The following GPHN variants were observed in gnomAD, a reference collection of about 807,000 sequenced individuals.
GPHN encodes gephyrin.
Under a neutral mutation model 95.5 loss-of-function variants are expected in GPHN, and 17 were observed. The observed-to-expected ratio is 0.18, with a 90% CI of 0.12 to 0.27. The LOEUF is 0.27. GPHN is among the 10% of genes least tolerant of loss of function. The probability of loss-of-function intolerance (pLI) is 1.00; values close to 1 mark genes in which losing one functional copy is unlikely to be tolerated. For missense variants in GPHN, 660 were observed against 978.1 expected (o/e 0.67, Z 4.34); for synonymous variants, 320 against 322.5 (o/e 0.99, Z 0.08).
At chr14:67,195,255 C>T in the GPHN span, among the ~76,000 whole-genome samples, 3 of 152,166 alleles carry the variant, frequency 2.0e-5, no homozygotes, top group Non-Finnish European at 2.9e-5. Context: ...GGAAGAGGGG[C>T]GAGACCCAGT....
In GPHN at chr14:67,094,271, A is replaced by G. The variant is rs964310408; in HGVS notation, c.1237+5196A>G. Among the ~76,000 whole-genome samples, 4 of 152,280 alleles carry G rather than the reference A, an allele frequency of 2.6e-5. No individual in the cohort carries two copies. In the South Asian group the frequency reaches 8.3e-4, roughly 32 times the overall value. ...AATATAACCAGAAATCTTCAAATAAATGGGTGAACAGAACTAAAAGTGTTT... is the reference window on the plus strand; with the variant it reads ...AATATAACCAGAAATCTTCAAATAAGTGGGTGAACAGAACTAAAAGTGTTT... On this transcript the variant is annotated intron_variant, in intron 12 of 22. Coordinates refer to ENST00000478722, the MANE Select transcript of GPHN (RefSeq NM_020806.5).
At chr14:67,575,716 C>G in the GPHN span, 1 of 841,662 alleles carries the variant, frequency 1.2e-6, no homozygotes, top group Non-Finnish European at 1.9e-6. Context: ...ATCCTGTCAT[C>G]GGTCCATATC....
intron 1 of GPHN, among the ~76,000 whole-genome samples, chr14:66,579,658 A>C (rs999758100): frequency 6.6e-6 from 1 of 151,810 alleles, no homozygotes; most frequent in East Asian, 1.9e-4. Flanking sequence ...AGATACAGCA[A>C]TTGTAAACAG....
the GPHN span, among the ~76,000 whole-genome samples, chr14:67,559,244 A>G: frequency 6.6e-6 from 1 of 152,214 alleles, no homozygotes; most frequent in Non-Finnish European, 1.5e-5. Flanking sequence ...ATAGTTAAAA[A>G]TAAAAAAACG....
chr14:66,717,815 G>C (rs1225681247), intron 2 of GPHN, among the ~76,000 whole-genome samples: 1 of 152,180 alleles, frequency 6.6e-6, no homozygotes, highest in Non-Finnish European at 1.5e-5. Context: ...CCGGCTCCAG[G>C]CTTGTACTAG....
chr14:67,282,532 C>A, the GPHN span, among the ~76,000 whole-genome samples: 1 of 151,982 alleles, frequency 6.6e-6, no homozygotes, highest in African/African-American at 2.4e-5. Flanking sequence ...GTAAATTTGA[C>A]AATGTATGAT....
intron 21 of GPHN, among the ~76,000 whole-genome samples, chr14:67,171,704 G>GA (rs375504335): frequency 5.2e-4 from 79 of 151,858 alleles, no homozygotes; most frequent in Admixed American, 1.4e-3. Context: ...GCATTTTAAT[G>GA]AAAAAAAACT....
intron 1 of GPHN, among the ~76,000 whole-genome samples, chr14:66,618,785 A>G (rs2063160215): frequency 6.6e-6 from 1 of 152,096 alleles, no homozygotes; most frequent in African/African-American, 2.4e-5. Context: ...CATGCAATAA[A>G]CGGCACATTT....
At chr14:66,618,002 A>G (rs1195914223) in intron 1 of GPHN, among the ~76,000 whole-genome samples, 1 of 152,168 alleles carries the variant, frequency 6.6e-6, no homozygotes, top group Non-Finnish European at 1.5e-5. Flanking sequence ...GGGAGGGCTA[A>G]CATTTTTCTG....
chr14:67,723,398 T>C, the GPHN span, among the ~76,000 whole-genome samples: 1 of 152,176 alleles, frequency 6.6e-6, no homozygotes, highest in Admixed American at 6.5e-5. Context: ...TACACCCAGC[T>C]ACTTTTTAAA....
the GPHN span, among the ~76,000 whole-genome samples, chr14:67,468,184 C>T: frequency 2.0e-5 from 3 of 152,022 alleles, no homozygotes; most frequent in African/African-American, 7.2e-5. Context: ...ATGTTGGCCA[C>T]GCTGGTCTCT....
the GPHN span, among the ~76,000 whole-genome samples, chr14:67,368,185 A>G: frequency 9.8e-5 from 15 of 152,334 alleles, no homozygotes; most frequent in African/African-American, 3.4e-4. Context: ...GAGTTTCTGC[A>G]GGAAAAGCAA....
At chr14:67,486,735 C>T in the GPHN span, among the ~76,000 whole-genome samples, 1 of 152,198 alleles carries the variant, frequency 6.6e-6, no homozygotes. Context: ...ATTTTCCACT[C>T]TTACGTATGT....
chr14:66,682,619 A>G (rs2153397044), intron 2 of GPHN, among the ~76,000 whole-genome samples: 1 of 152,118 alleles, frequency 6.6e-6, no homozygotes. Context: ...GCGTGGTGGC[A>G]TGTGCCTGTA....
At chr14:67,457,144 G>T in the GPHN span, among the ~76,000 whole-genome samples, 1 of 152,192 alleles carries the variant, frequency 6.6e-6, no homozygotes, top group Non-Finnish European at 1.5e-5. Flanking sequence ...GAGGGTAGGA[G>T]GAGGGTCAGG....
At chr14:67,212,589 G>GAAA in the GPHN span, among the ~76,000 whole-genome samples, 994 of 99,454 alleles carry the variant, frequency 1.0e-2, 2 homozygotes, top group Middle Eastern at 0.02. Context: ...AGACCCTGTT[G>GAAA]AAAAAAAAAA....
the GPHN span, among the ~76,000 whole-genome samples, chr14:67,435,454 G>A: frequency 6.6e-6 from 1 of 152,182 alleles, no homozygotes; most frequent in Non-Finnish European, 1.5e-5. Context: ...TTTTGGAGGG[G>A]ACATTCGAAC....
chr14:66,782,291 C>G (rs1019248385), intron 3 of GPHN, among the ~76,000 whole-genome samples: 2 of 152,172 alleles, frequency 1.3e-5, no homozygotes, highest in Admixed American at 1.3e-4. Flanking sequence ...CTTTTCTCAG[C>G]ACTGTATGGT....
At chr14:66,827,403 AACC>A (rs2061426053) in intron 4 of GPHN, among the ~76,000 whole-genome samples, 3 of 152,104 alleles carry the variant, frequency 2.0e-5, no homozygotes, top group African/African-American at 7.2e-5. Flanking sequence ...ATAAGTCAGG[AACC>A]AAGAAGAAAG....
Sources: allele counts gnomAD v4.1 joint callset (sites outside exome capture counted in the v4.1 genomes callset), GRCh38; gene constraint gnomAD v4.1.1; transcripts MANE v1.5; gene names NCBI Gene and HGNC (gene_info 2026-07-23, HGNC 2026-07-21).